The following SRGAP1 variants were observed in gnomAD, a reference collection of about 807,000 sequenced individuals.
The protein encoded by SRGAP1 is SLIT-ROBO Rho GTPase activating protein 1.
Under a neutral mutation model 121.9 loss-of-function variants are expected in SRGAP1, and 43 were observed. That is an observed-to-expected ratio of 0.35 (90% CI 0.28 to 0.46). The LOEUF is 0.46. Ranked by LOEUF, SRGAP1 falls within the 20% of genes least tolerant of loss-of-function variation. The probability of loss-of-function intolerance (pLI) is 1.00; values close to 1 mark genes in which losing one functional copy is unlikely to be tolerated. For missense variants in SRGAP1, 1,102 were observed against 1,350.9 expected (o/e 0.82, Z 2.89); for synonymous variants, 447 against 485.4 (o/e 0.92, Z 1.04).
At chr12:64,011,885 G>A (rs561133257) in intron 3 of SRGAP1, among the ~76,000 whole-genome samples, 1 of 152,210 alleles carries the variant, frequency 6.6e-6, no homozygotes, top group East Asian at 1.9e-4. Flanking sequence ...GGAGGCCAAG[G>A]CAGGCAGATC....
chr12:63,983,388 C>T (rs1273373670), intron 1 of SRGAP1: 1 of 152,086 alleles, frequency 6.6e-6, no homozygotes, highest in Non-Finnish European at 1.5e-5. Context: ...CCTCATGGCT[C>T]GTTGTGTGTT....
At chr12:64,109,809 T>C (rs1483667961) in intron 16 of SRGAP1, among the ~76,000 whole-genome samples, 2 of 152,192 alleles carry the variant, frequency 1.3e-5, no homozygotes, top group African/African-American at 2.4e-5. Context: ...AAAATTCGGA[T>C]ATTTTCTTTT....
At chr12:64,101,329 G>T (rs2036252296) in intron 15 of SRGAP1, among the ~76,000 whole-genome samples, 1 of 150,318 alleles carries the variant, frequency 6.7e-6, no homozygotes, top group Admixed American at 6.6e-5. Context: ...GTGTGTGTGT[G>T]TGTGTGTGTG....
intron 1 of SRGAP1, among the ~76,000 whole-genome samples, chr12:63,848,538 TTAAG>T (rs754741946): frequency 2.6e-5 from 4 of 152,138 alleles, no homozygotes; most frequent in Non-Finnish European, 5.9e-5. Flanking sequence ...TCTCTTCATC[TTAAG>T]TGTCTTTTTT....
chr12:63,857,105 A>G (rs1397954010), intron 1 of SRGAP1, among the ~76,000 whole-genome samples: 1 of 141,316 alleles, frequency 7.1e-6, no homozygotes, highest in Non-Finnish European at 1.5e-5. Flanking sequence ...TTTTTTTGAG[A>G]TGGAGTTTCG....
chr12:63,908,313 T>C (rs2030316646), intron 1 of SRGAP1, among the ~76,000 whole-genome samples: 1 of 152,210 alleles, frequency 6.6e-6, no homozygotes, highest in Non-Finnish European at 1.5e-5. Flanking sequence ...ATTGCCTTCT[T>C]AAAAATGTTA....
intron 18 of SRGAP1, among the ~76,000 whole-genome samples, chr12:64,119,173 T>G (rs1418363678): frequency 6.6e-6 from 1 of 152,264 alleles, no homozygotes; most frequent in African/African-American, 2.4e-5. Context: ...CTTTCTCCAC[T>G]GCTCTACATC....
chr12:64,037,160 C>A (rs2034921220), intron 4 of SRGAP1, among the ~76,000 whole-genome samples: 1 of 152,142 alleles, frequency 6.6e-6, no homozygotes, highest in Admixed American at 6.5e-5. Flanking sequence ...GGGACAGCAG[C>A]TCAGGGACTT....
chr12:63,956,326 G>C (rs887435790), intron 1 of SRGAP1, among the ~76,000 whole-genome samples: 1 of 152,144 alleles, frequency 6.6e-6, no homozygotes, highest in Non-Finnish European at 1.5e-5. Flanking sequence ...CAGCCTTCCA[G>C]ATTGCTGGGA....
At chr12:63,957,873 C>T (rs1003054161) in intron 1 of SRGAP1, among the ~76,000 whole-genome samples, 3 of 152,136 alleles carry the variant, frequency 2.0e-5, no homozygotes, top group African/African-American at 7.2e-5. Flanking sequence ...AAAAAAATCT[C>T]CAGAAATGGT....
intron 10 of SRGAP1, 159 bp downstream of exon 10, chr12:64,080,529 C>T (rs781298385): frequency 2.7e-6 from 2 of 727,548 alleles, no homozygotes; most frequent in Non-Finnish European, 2.5e-6. Context: ...TTAAGTTCTC[C>T]TGGCACGATT....
intron 4 of SRGAP1, among the ~76,000 whole-genome samples, chr12:64,039,910 G>A (rs2034980582): frequency 6.6e-6 from 1 of 151,472 alleles, no homozygotes; most frequent in African/African-American, 2.4e-5. Flanking sequence ...CTCCCAGACA[G>A]GTTCAATAAT....
intron 6 of SRGAP1, among the ~76,000 whole-genome samples, chr12:64,056,948 A>C (rs1452153339): frequency 6.6e-6 from 1 of 152,002 alleles, no homozygotes; most frequent in Non-Finnish European, 1.5e-5. Context: ...TATCTATAGC[A>C]TTTACCATCT....
intron 1 of SRGAP1, among the ~76,000 whole-genome samples, chr12:63,954,753 A>G (rs1006011780): frequency 5.9e-5 from 9 of 151,924 alleles, no homozygotes; most frequent in African/African-American, 2.2e-4. Context: ...GTTGAGCTAC[A>G]CAATTGTAGG....
chr12:63,909,582 G>A (rs770305278), intron 1 of SRGAP1, among the ~76,000 whole-genome samples: 3 of 152,156 alleles, frequency 2.0e-5, no homozygotes, highest in Admixed American at 6.5e-5. Flanking sequence ...TGTTCCTGTC[G>A]TCTTTTTTGT....
chr12:63,975,275 G>A (rs1001027957), intron 1 of SRGAP1, among the ~76,000 whole-genome samples: 5 of 152,108 alleles, frequency 3.3e-5, no homozygotes, highest in Non-Finnish European at 7.4e-5. Flanking sequence ...ATTCTGTACT[G>A]TGTTTGCCTT....
chr12:64,045,863 A>G (rs1293846781), intron 6 of SRGAP1, among the ~76,000 whole-genome samples: 5 of 152,224 alleles, frequency 3.3e-5, no homozygotes, highest in Admixed American at 2.6e-4. Context: ...TGAAGGCTTC[A>G]TCTTTATTGA....
rs2037114298 is a variant in SRGAP1, at chr12:64,150,953, AAAAAAAAC to A, written c.*8283_*8290del. The A allele has an allele frequency of 6.7e-6, 1 of 148,572 alleles. No individual in the cohort carries two copies. Among genetic ancestry groups the A allele is most frequent in the African/African-American group, 2.4e-5 (1 of 40,896 alleles). The allele number at this position is 148,572 out of a possible 1,614,324, so 9.2% of individuals were successfully genotyped here. On this transcript the variant is annotated 3_prime_UTR_variant, in exon 22 of 22. Transcript: ENST00000355086. ...CTATCTCAAAAAAAAAAAAAAAAAA[AAAAAAAAC>A]ATGGTCAAGATTTGTAATAGAAATT...
intron 21 of SRGAP1, among the ~76,000 whole-genome samples, chr12:64,128,436 A>G (rs1464610659): frequency 1.3e-5 from 2 of 152,204 alleles, no homozygotes; most frequent in African/African-American, 4.8e-5. Context: ...AAACATGACA[A>G]AAACGTAGGA....
Sources: allele counts gnomAD v4.1 joint callset (sites outside exome capture counted in the v4.1 genomes callset), GRCh38; gene constraint gnomAD v4.1.1; transcripts MANE v1.5; gene names NCBI Gene and HGNC (gene_info 2026-07-23, HGNC 2026-07-21).